The following SDC1 variants were observed in gnomAD, a reference collection of about 807,000 sequenced individuals.
The protein encoded by SDC1 is syndecan-1.
A neutral mutation model predicts 29.7 loss-of-function variants in SDC1; 14 were observed. The observed-to-expected ratio is 0.47, with a 90% CI of 0.31 to 0.74. SDC1 has a LOEUF of 0.74. Ranked by LOEUF, SDC1 falls within the 30% of genes least tolerant of loss-of-function variation. The pLI, the probability that SDC1 is intolerant of heterozygous loss-of-function variation, is 0.05. For missense variants in SDC1, 406 were observed against 400.3 expected (o/e 1.01, Z -0.12); for synonymous variants, 204 against 175.5 (o/e 1.16, Z -1.29).
intron 1 of SDC1, among the ~76,000 whole-genome samples, chr2:20,208,406 G>A (rs976384734): frequency 6.6e-5 from 10 of 152,300 alleles, no homozygotes; most frequent in African/African-American, 1.4e-4. Flanking sequence ...CCTGGCCTCC[G>A]GGGGCCTCTC....
chr2:20,222,723 A>T lies in SDC1; in HGVS notation c.66+2079T>A, dbSNP rs532318846. ...TCTGCCCCAGCCCACAGAAAACTCC[A>T]GGAAAGGCAGTTCACGGGGAAGCCC... On this transcript the variant is annotated intron_variant, in intron 1 of 4. Coordinates refer to ENST00000254351, the MANE Select transcript of SDC1 (RefSeq NM_002997.5). Among the ~76,000 whole-genome samples, 11 of 152,304 alleles carry T rather than the reference A, an allele frequency of 7.2e-5. No individual in the cohort carries two copies. The East Asian group carries it at 1.7e-3, about 24-fold the overall frequency.
rs570626050 is a variant in SDC1, at chr2:20,202,196, A to G, written c.*570T>C. ...GATACCGAATCAACTTACTTAACTT[A>G]CCTCAGAAGTAACAAGGTCTACTGG... is the stretch of plus-strand genomic sequence containing the variant. On this transcript the variant is annotated 3_prime_UTR_variant, in exon 5 of 5. Coordinates refer to ENST00000254351, the MANE Select transcript of SDC1 (RefSeq NM_002997.5). The G allele has an allele frequency of 2.1e-5, 15 of 727,192 alleles. No homozygotes were observed. In the South Asian group the frequency reaches 2.1e-4, roughly 10 times the overall value. The allele number at this position is 727,192 out of a possible 1,614,324, so 45.0% of individuals were successfully genotyped here.
rs116768204 is a variant in SDC1 at position 20,215,496 on chromosome 2, G to A, written c.66+9306C>T. Among the ~76,000 whole-genome samples the A allele has an allele frequency of 6.1e-3, 935 of 152,322 alleles. 6 individuals carry two copies. Among genetic ancestry groups the A allele is most frequent in the African/African-American group, 0.021 (860 of 41,568 alleles). ...GGCCCTGTTAACGTCAGCAGCACTG[G>A]GGTCAGACCAGCAGGCCATTCACAC... On this transcript the variant is annotated intron_variant, in intron 1 of 4. Coordinates refer to ENST00000254351, the MANE Select transcript of SDC1 (RefSeq NM_002997.5).
In SDC1 at chr2:20,217,943, C is replaced by T. The variant is rs889579003; in HGVS notation, c.66+6859G>A. On this transcript the variant is annotated intron_variant, in intron 1 of 4. Coordinates refer to ENST00000254351, the MANE Select transcript of SDC1 (RefSeq NM_002997.5). The stretch of plus-strand genomic sequence containing the variant: ...TCCACTCCAGCTCCCACAAGGAGCT[C>T]GAATCCACCCCTCAAGCAGCCTGCC... 2.6e-5 allele frequency among the ~76,000 whole-genome samples: 4 copies of T among 152,286 alleles called. No individual in the cohort carries two copies. In the East Asian group the frequency reaches 5.8e-4, roughly 22 times the overall value.
chr2:20,210,101 G>T (rs1412706489), intron 1 of SDC1, among the ~76,000 whole-genome samples: 1 of 152,252 alleles, frequency 6.6e-6, no homozygotes, highest in African/African-American at 2.4e-5. Context: ...CAGCACTTCG[G>T]GAGGCCGAGG....
At chr2:20,220,653 G>T (rs1677787845) in intron 1 of SDC1, among the ~76,000 whole-genome samples, 1 of 152,184 alleles carries the variant, frequency 6.6e-6, no homozygotes, top group African/African-American at 2.4e-5. Context: ...ACAGAATGAG[G>T]ACAGGGAGAA....
chr2:20,218,402 A>G (rs569228677), intron 1 of SDC1, among the ~76,000 whole-genome samples: 20 of 152,356 alleles, frequency 1.3e-4, no homozygotes, highest in Middle Eastern at 3.4e-3. Context: ...AGCTGCAGCC[A>G]GGTAGTGACC....
chr2:20,201,426 T>A lies in SDC1; in HGVS notation c.*1340A>T, dbSNP rs1002260819. ...GCCAAGTTTCCCAACATGTTGGTGTTTGCAGAAAAGTCCGGTCACGTCACA... is the reference window on the plus strand; with the variant it reads ...GCCAAGTTTCCCAACATGTTGGTGTATGCAGAAAAGTCCGGTCACGTCACA... On this transcript the variant is annotated 3_prime_UTR_variant, in exon 5 of 5. Coordinates refer to ENST00000254351, the MANE Select transcript of SDC1 (RefSeq NM_002997.5). 6.6e-6 allele frequency: 1 copy of A among 152,490 alleles called. No homozygotes were observed. The highest frequency in any genetic ancestry group is 2.4e-5 in the African/African-American group (1 of 41,454). 9.4% of individuals were successfully genotyped at this position (152,490 alleles called of 1,614,324 possible).
chr2:20,223,244 C>T (rs1677877435), intron 1 of SDC1: 1 of 1,301,796 alleles, frequency 7.7e-7, no homozygotes, highest in Non-Finnish European at 1.0e-6. Context: ...GTCTCAGAAA[C>T]GACTGTCCCT....
chr2:20,204,245 C>A lies in SDC1; in HGVS notation c.195G>T (p.Trp65Cys), dbSNP rs755625009. 1.3e-6 allele frequency: 2 copies of A among 1,589,376 alleles called. No individual in the cohort carries two copies. Among genetic ancestry groups the A allele is most frequent in the South Asian group, 2.2e-5 (2 of 90,934 alleles). The change falls in exon 3 of 5, where the codon TGG becomes TGT. Residue 65 changes from tryptophan (W) to cysteine (C), a missense_variant. By Grantham distance (215) the Trp-to-Cys change is radical. Coordinates refer to ENST00000254351, the MANE Select transcript of SDC1 (RefSeq NM_002997.5). ...ITLSQQTPSTWKDTQLLTAIP... is the reference protein window; with the variant it reads ...ITLSQQTPSTCKDTQLLTAIP... Reference sequence around the variant, plus strand: ...TAGCCGTCAGGAGCTGCGTGTCCTTCCAAGTGGAGGGGGTCTGCTGTGACA... The same window carrying A: ...TAGCCGTCAGGAGCTGCGTGTCCTTACAAGTGGAGGGGGTCTGCTGTGACA...
intron 1 of SDC1, among the ~76,000 whole-genome samples, chr2:20,214,907 T>G (rs1290673568): frequency 1.3e-5 from 2 of 152,158 alleles, no homozygotes; most frequent in Non-Finnish European, 2.9e-5. Flanking sequence ...TTCTCTGAAT[T>G]AATTAGTTTG....
In SDC1 at chr2:20,224,919, G is replaced by T; in HGVS notation, c.-52C>A. ...GGCAGGCTGCGCGGGTCGCGGCTGCGGGCCGGCTTCGCGGGTTCCGCTGCT... is the reference window on the plus strand; with the variant it reads ...GGCAGGCTGCGCGGGTCGCGGCTGCTGGCCGGCTTCGCGGGTTCCGCTGCT... On this transcript the variant is annotated 5_prime_UTR_variant, in exon 1 of 5. Transcript: ENST00000254351. The surrounding 1 kb of genome is among the most constrained non-coding windows in gnomAD (Gnocchi z 4.9). 1 of 1,204,718 alleles carries T rather than the reference G, an allele frequency of 8.3e-7. No homozygotes were observed. The highest frequency in any genetic ancestry group is 4.1e-5 in the South Asian group (1 of 24,304). The allele number at this position is 1,204,718 out of a possible 1,614,324, so 74.6% of individuals were successfully genotyped here. A position where few individuals can be genotyped will look rare whatever the true frequency, so the allele number is the denominator to read the frequency against.
At chr2:20,205,478 C>T in intron 1 of SDC1, 54 bp from the exon 2 acceptor site, 3 of 1,423,928 alleles carry the variant, frequency 2.1e-6, no homozygotes, top group South Asian at 1.2e-5. Flanking sequence ...GTCTCTGCTG[C>T]TCCTGGGTCC....
chr2:20,223,976 C>A (rs1216478617), intron 1 of SDC1, among the ~76,000 whole-genome samples: 1 of 152,198 alleles, frequency 6.6e-6, no homozygotes, highest in Non-Finnish European at 1.5e-5. Context: ...GCCTTCCCTC[C>A]GCGCGGCTTC....
chr2:20,223,073 G>C (rs1356908146), intron 1 of SDC1: 1 of 374,480 alleles, frequency 2.7e-6, no homozygotes, highest in African/African-American at 2.1e-5. Context: ...AGCCAGGAGT[G>C]CATGAGACCC....
chr2:20,207,248 A>G (rs1677304328), intron 1 of SDC1: 1 of 199,642 alleles, frequency 5.0e-6, no homozygotes, highest in Admixed American at 6.5e-5. Context: ...AAGGTCAGAA[A>G]TAACACTGAA....
Position 20,202,383 on chromosome 2 carries a change from G to A in SDC1, c.*383C>T. The A allele has an allele frequency of 1.4e-6, 1 of 720,502 alleles. No homozygotes were observed. Among genetic ancestry groups the A allele is most frequent in the Non-Finnish European group, 2.6e-6 (1 of 391,236 alleles). The allele number at this position is 720,502 out of a possible 1,614,324, so 44.6% of individuals were successfully genotyped here. On this transcript the variant is annotated 3_prime_UTR_variant, in exon 5 of 5. Coordinates refer to ENST00000254351, the MANE Select transcript of SDC1 (RefSeq NM_002997.5). ...AGTGCTACAGGTGTGTGAGCCCCAA[G>A]CCCCACCCGCAGGATCTTCCAGCCA...
At chr2:20,222,134 T>G (rs1210972746) in intron 1 of SDC1, among the ~76,000 whole-genome samples, 1 of 152,066 alleles carries the variant, frequency 6.6e-6, no homozygotes, top group Non-Finnish European at 1.5e-5. Flanking sequence ...GAGAGAAACC[T>G]TTTTAGACAA....
Position 20,202,954 on chromosome 2 carries a change from G to C in SDC1, c.764-19C>G. The C allele has an allele frequency of 6.3e-7, 1 of 1,596,300 alleles. No individual in the cohort carries two copies. The highest frequency in any genetic ancestry group is 8.6e-7 in the Non-Finnish European group (1 of 1,168,730). On this transcript the variant is annotated intron_variant, in intron 4 of 4. Transcript: ENST00000254351. ...ATGACCCCTAGGGCAGGTAGACGGG[G>C]CCAGCTCAGCTCAGCGGCTCCTTGG...
Sources: allele counts gnomAD v4.1 joint callset (sites outside exome capture counted in the v4.1 genomes callset), GRCh38; gene constraint gnomAD v4.1.1; non-coding constraint Gnocchi (gnomAD v3.1); transcripts MANE v1.5; gene names NCBI Gene and HGNC (gene_info 2026-07-23, HGNC 2026-07-21).